P2RX4: variants seen among roughly 807,000 people sequenced by gnomAD.
P2RX4 encodes the protein purinergic receptor P2X 4.
A neutral mutation model predicts 48.0 loss-of-function variants in P2RX4; 37 were observed. That is an observed-to-expected ratio of 0.77 (90% CI 0.59 to 1.01). P2RX4 has a LOEUF of 1.01. P2RX4 is among the 50% of genes least tolerant of loss of function. The probability of loss-of-function intolerance (pLI) is 0.00; values close to 1 mark genes in which losing one functional copy is unlikely to be tolerated. For synonymous variants in P2RX4, 200 were observed against 199.7 expected (o/e 1.00, Z -0.01); for missense variants, 501 against 521.4 (o/e 0.96, Z 0.38).
rs537865931 is a variant in P2RX4, at chr12:121,222,632, G to T, written c.428-315G>T. 6.0e-6 allele frequency: 4 copies of T among 668,468 alleles called. No individual in the cohort carries two copies. In the East Asian group the frequency reaches 1.6e-4, roughly 26 times the overall value. The allele number at this position is 668,468 out of a possible 1,614,324, so 41.4% of individuals were successfully genotyped here. ...TTACCATGTTGGCCAGGCTGGTCTC[G>T]AACTCCTGACCTCAGGTGATCCACC... On this transcript the variant is annotated intron_variant, in intron 4 of 11. Coordinates refer to ENST00000337233, the MANE Select transcript of P2RX4 (RefSeq NM_002560.3).
intron 8 of P2RX4, among the ~76,000 whole-genome samples, chr12:121,230,111 A>G (rs886570504): frequency 6.6e-6 from 1 of 152,210 alleles, no homozygotes; most frequent in African/African-American, 2.4e-5. Context: ...CTTAAAAAGG[A>G]AGCGCTCCAG....
At chr12:121,211,141 C>CCCTA (rs1426672801) in intron 1 of P2RX4, among the ~76,000 whole-genome samples, 4 of 152,174 alleles carry the variant, frequency 2.6e-5, no homozygotes, top group African/African-American at 9.7e-5. Flanking sequence ...GCTAGAGATG[C>CCCTA]CCTACCGCCC....
intron 5 of P2RX4, among the ~76,000 whole-genome samples, chr12:121,227,963 T>C (rs957137807): frequency 3.3e-5 from 5 of 150,688 alleles, no homozygotes; most frequent in African/African-American, 4.9e-5. Flanking sequence ...GGCATGGTGA[T>C]GCATGCCTAT....
intron 6 of P2RX4, 21 bp downstream of exon 6, chr12:121,228,634 T>A: frequency 1.9e-6 from 3 of 1,612,112 alleles, no homozygotes; most frequent in Non-Finnish European, 2.5e-6. Context: ...GCCAGGTGTG[T>A]GAGTTCACCA....
At chr12:121,216,820 C>CAAAA (rs59513233) in intron 1 of P2RX4, 39 of 525,514 alleles carry the variant, frequency 7.4e-5, no homozygotes, top group Middle Eastern at 5.1e-4. Context: ...AACATCGTCT[C>CAAAA]AAAAAAAAAA....
rs1886643966 is a variant in P2RX4, at chr12:121,221,992, G to A, written c.354+8G>A. On this transcript the variant is annotated splice_region_variant and intron_variant, in intron 3 of 11. Coordinates refer to ENST00000337233, the MANE Select transcript of P2RX4 (RefSeq NM_002560.3). The stretch of plus-strand genomic sequence containing the variant: ...CAGGGCCTGTGCCCCGAGGTAGGAG[G>A]CCCCCGGGAAGAGCCCCAGGCCCCA... 1 of 1,613,524 alleles carries A rather than the reference G, an allele frequency of 6.2e-7. No homozygotes were observed. The highest frequency in any genetic ancestry group is 8.5e-7 in the Non-Finnish European group (1 of 1,179,438).
intron 2 of P2RX4, among the ~76,000 whole-genome samples, chr12:121,219,620 GATAGATAGATAGATA>G (rs1566001899): frequency 0.074 from 8,176 of 110,934 alleles, 262 homozygotes; most frequent in South Asian, 0.17. Context: ...TGGATGGATA[GATAGATAGATAGATA>G]GATAGATAGA....
At position 121,232,951 on chromosome 12, in the gene P2RX4, T is replaced by A; in HGVS notation, c.1045-46T>A. ...GCACGCAAAGAATAAGATGGGTTGA[T>A]GGGTTGCAAGCATCCTGGCTCACTC... On this transcript the variant is annotated intron_variant, in intron 10 of 11. Coordinates refer to ENST00000337233, the MANE Select transcript of P2RX4 (RefSeq NM_002560.3). This position sits in a 1 kb window ranked among gnomAD's most constrained non-coding sequence, Gnocchi z 4.3. The A allele has an allele frequency of 7.6e-7, 1 of 1,309,918 alleles. No individual in the cohort carries two copies. The highest frequency in any genetic ancestry group is 1.1e-6 in the Non-Finnish European group (1 of 903,022). The allele number at this position is 1,309,918 out of a possible 1,614,324, so 81.1% of individuals were successfully genotyped here.
chr12:121,219,652 G>GAT, intron 2 of P2RX4, among the ~76,000 whole-genome samples: 1 of 149,566 alleles, frequency 6.7e-6, no homozygotes, highest in Non-Finnish European at 1.5e-5. Flanking sequence ...TAGATAGATA[G>GAT]ATAGATGGAA....
rs752332351 is a variant in P2RX4 at position 121,228,968 on chromosome 12, C to T, written c.753C>T (p.Gly251=). The change falls in exon 8 of 12, where the codon GGC becomes GGT. Residue 251 remains glycine, a synonymous_variant. Coordinates refer to ENST00000337233, the MANE Select transcript of P2RX4 (RefSeq NM_002560.3). ...TCTCTGCTGCTCATCCCCAGGGAGG[C>T]ATCATGGGCATCCAGGTCAACTGGG... The part of the protein sequence containing the change: ...HSFQDMAVEG[G]IMGIQVNWDC... The T allele has an allele frequency of 1.2e-6, 2 of 1,614,124 alleles. No homozygotes were observed. The highest frequency in any genetic ancestry group is 1.7e-6 in the Non-Finnish European group (2 of 1,180,022).
intron 2 of P2RX4, among the ~76,000 whole-genome samples, 170 bp from the exon 3 acceptor site, chr12:121,221,743 A>G (rs1383026055): frequency 1.3e-5 from 2 of 152,178 alleles, no homozygotes; most frequent in African/African-American, 4.8e-5. Flanking sequence ...ATATTTATGT[A>G]CAAGGACTTG....
At chr12:121,218,518 T>C (rs551903979) in intron 2 of P2RX4, among the ~76,000 whole-genome samples, 1 of 152,078 alleles carries the variant, frequency 6.6e-6, no homozygotes, top group East Asian at 1.9e-4. Flanking sequence ...GGATTTGCAG[T>C]TGGCTGGAGG....
intron 5 of P2RX4, among the ~76,000 whole-genome samples, chr12:121,226,190 G>A (rs1886965655): frequency 6.6e-6 from 1 of 151,866 alleles, no homozygotes; most frequent in Non-Finnish European, 1.5e-5. Context: ...TACTTTTATT[G>A]GACATCACTG....
chr12:121,223,726 A>G (rs1886798672), intron 5 of P2RX4, among the ~76,000 whole-genome samples: 1 of 152,204 alleles, frequency 6.6e-6, no homozygotes, highest in Non-Finnish European at 1.5e-5. Flanking sequence ...GGGGCAGTGT[A>G]TTGTCCGGCT....
At chr12:121,225,511 C>T (rs1024816203) in intron 5 of P2RX4, among the ~76,000 whole-genome samples, 6 of 151,934 alleles carry the variant, frequency 3.9e-5, no homozygotes, top group Non-Finnish European at 7.4e-5. Flanking sequence ...CCTGCGCTCA[C>T]GCCATTCTCC....
chr12:121,233,806 G>A lies in P2RX4; in HGVS notation c.*257G>A, dbSNP rs910468495. 27 of 758,076 alleles carry A rather than the reference G, an allele frequency of 3.6e-5. No individual in the cohort carries two copies. Among genetic ancestry groups the A allele is most frequent in the South Asian group, 3.0e-4 (16 of 53,624 alleles). The allele number at this position is 758,076 out of a possible 1,614,324, so 47.0% of individuals were successfully genotyped here. A position where few individuals can be genotyped will look rare whatever the true frequency, so the allele number is the denominator to read the frequency against. ...CGCAACCTGGGGTTGTCGGGGGAGC[G>A]CTGGCCCGACGCAGTGGCACTGCTG... is the stretch of plus-strand genomic sequence containing the variant. On this transcript the variant is annotated 3_prime_UTR_variant, in exon 12 of 12. Coordinates refer to ENST00000337233, the MANE Select transcript of P2RX4 (RefSeq NM_002560.3).
rs755957734 is a variant in P2RX4, at chr12:121,232,621, T to A, written c.989T>A (p.Phe330Tyr). 7 of 1,614,066 alleles carry A rather than the reference T, an allele frequency of 4.3e-6. No individual in the cohort carries two copies. In the Admixed American group the frequency reaches 1.2e-4, roughly 27 times the overall value. ...TCGGTGTCTTGGCAGGCAGGGAAAT[T>A]TGACATCATCCCCACTATGATCAAC... The part of the protein sequence containing the change: ...DIIVFGKAGK[F>Y]DIIPTMINIG... Residue 330 changes from phenylalanine to tyrosine, a missense_variant, in exon 10 of 12, where the codon TTT (phenylalanine) becomes TAT (tyrosine). Physicochemically the swap from Phe to Tyr is conservative, Grantham distance 22. Around this residue, in one of 3 missense-constraint regions of P2RX4, gnomAD observed 197 missense variants for 219.5 expected, o/e 0.90. Transcript: ENST00000337233. The surrounding 1 kb of genome is among the most constrained non-coding windows in gnomAD (Gnocchi z 4.3).
intron 1 of P2RX4, among the ~76,000 whole-genome samples, chr12:121,210,783 A>C (rs59304889): frequency 0.14 from 22,059 of 152,216 alleles, 1,791 homozygotes; most frequent in East Asian, 0.23. Flanking sequence ...GTCTGTTTAC[A>C]AAATAAATAA....
intron 5 of P2RX4, among the ~76,000 whole-genome samples, chr12:121,224,735 G>A (rs897878528): frequency 6.6e-6 from 1 of 152,048 alleles, no homozygotes; most frequent in East Asian, 1.9e-4. Flanking sequence ...AGTCCGGGCA[G>A]CGCTCTGAGA....
Sources: gnomAD v4.1 joint callset for allele counts (sites outside exome capture counted in the v4.1 genomes callset) on GRCh38, gnomAD v4.1.1 for gene constraint, gnomAD v4.1.1 regional missense constraint, Gnocchi (gnomAD v3.1) non-coding constraint, MANE v1.5 for transcripts, NCBI Gene and HGNC (gene_info 2026-07-23, HGNC 2026-07-21) for gene names.